MTUS2: variants seen among roughly 807,000 people sequenced by gnomAD.
MTUS2 encodes the protein microtubule associated scaffold protein 2.
Under a neutral mutation model 114.1 loss-of-function variants are expected in MTUS2, and 40 were observed. The ratio of observed to expected loss-of-function variants is 0.35; its 90% CI spans 0.27 to 0.46. The LOEUF (loss-of-function observed/expected upper bound fraction) is 0.46. Ranked by LOEUF, MTUS2 falls within the 20% of genes least tolerant of loss-of-function variation. MTUS2 has a pLI of 1.00. For synonymous variants in MTUS2, 688 were observed against 672.0 expected, an observed-to-expected ratio of 1.02 and a Z score of -0.37; for missense variants, 1,679 against 1,705.4, an observed-to-expected ratio of 0.98 and a Z score of 0.27.
At chr13:29,456,408 C>A (rs1009054176) in intron 9 of MTUS2, among the ~76,000 whole-genome samples, 1 of 151,946 alleles carries the variant, frequency 6.6e-6, no homozygotes, top group Non-Finnish European at 1.5e-5. Context: ...TTCAGAAGGA[C>A]AAGAGGGAGG....
chr13:29,426,794 A>G (rs1292326595), intron 8 of MTUS2, among the ~76,000 whole-genome samples: 1 of 152,196 alleles, frequency 6.6e-6, no homozygotes, highest in Non-Finnish European at 1.5e-5. Flanking sequence ...AGGCTGACTA[A>G]TGTTCCACTG....
intron 1 of MTUS2, among the ~76,000 whole-genome samples, chr13:28,832,042 G>A (rs1260568523): frequency 6.6e-6 from 1 of 152,078 alleles, no homozygotes; most frequent in African/African-American, 2.4e-5. Context: ...AGGATTACAG[G>A]TGTGAGCCAC....
At chr13:28,941,023 T>G (rs898853381) in intron 2 of MTUS2, among the ~76,000 whole-genome samples, 4 of 151,124 alleles carry the variant, frequency 2.6e-5, no homozygotes, top group Admixed American at 6.6e-5. Flanking sequence ...AAAGAGGGAA[T>G]GATAGCTATA....
chr13:28,963,699 C>T (rs1471385154), intron 2 of MTUS2, among the ~76,000 whole-genome samples: 2 of 149,316 alleles, frequency 1.3e-5, no homozygotes, highest in East Asian at 1.9e-4. Flanking sequence ...TGTCTGTGGA[C>T]GCTTTCTTAC....
At chr13:28,941,761 C>G (rs745850552) in intron 2 of MTUS2, among the ~76,000 whole-genome samples, 15 of 151,714 alleles carry the variant, frequency 9.9e-5, no homozygotes, top group Admixed American at 2.0e-4. Flanking sequence ...CTTAAGCTTA[C>G]CTGCAAAGTA....
intron 6 of MTUS2, among the ~76,000 whole-genome samples, chr13:29,322,608 G>A (rs1416253301): frequency 2.6e-5 from 4 of 152,304 alleles, no homozygotes; most frequent in African/African-American, 9.6e-5. Context: ...ATGCTGTGAG[G>A]AAGAATGAAG....
rs780801219 is a variant in MTUS2 at position 29,359,428 on chromosome 13, C to T, written c.3072C>T (p.Cys1024=). The T allele has an allele frequency of 2.5e-5, 40 of 1,613,044 alleles. No individual in the cohort carries two copies. The highest frequency in any genetic ancestry group is 1.7e-4 in the Middle Eastern group (1 of 5,786). Residue 1024 remains cysteine, a synonymous_variant, in exon 8 of 16, where the codon TGC becomes TGT. Transcript: ENST00000612955. ...VAQGELKRAI[C]GFDALAVATQ... is the part of the protein sequence containing the mutation. ...AAGGGGAGCTGAAGAGGGCCATCTG[C>T]GGCTTTGATGCCCTCGCCGTGGCCA...
intron 2 of MTUS2, among the ~76,000 whole-genome samples, chr13:28,907,049 A>G (rs1221283195): frequency 1.3e-5 from 2 of 151,644 alleles, no homozygotes; most frequent in Non-Finnish European, 2.9e-5. Context: ...CTAACAGCAG[A>G]TCTCTCGGCA....
At chr13:29,309,409 A>G (rs561105811) in intron 6 of MTUS2, among the ~76,000 whole-genome samples, 1 of 152,176 alleles carries the variant, frequency 6.6e-6, no homozygotes, top group East Asian at 1.9e-4. Context: ...GATGGGGTCA[A>G]CACACACTGG....
At chr13:28,966,188 C>A (rs1883573581) in intron 2 of MTUS2, among the ~76,000 whole-genome samples, 1 of 152,070 alleles carries the variant, frequency 6.6e-6, no homozygotes, top group African/African-American at 2.4e-5. Context: ...TAATACTTAG[C>A]AAATTAAAGA....
intron 5 of MTUS2, among the ~76,000 whole-genome samples, chr13:29,181,118 G>A (rs920191468): frequency 2.0e-5 from 3 of 152,100 alleles, no homozygotes; most frequent in Non-Finnish European, 2.9e-5. Flanking sequence ...GCGTCAGGGA[G>A]AGAGCTGGTA....
At chr13:29,101,099 T>G in intron 5 of MTUS2, 129 bp downstream of exon 5, 1 of 1,061,816 alleles carries the variant, frequency 9.4e-7, no homozygotes, top group Non-Finnish European at 1.3e-6. Flanking sequence ...CCCATTGTTG[T>G]GTTATTCATC....
At chr13:29,387,989 G>A (rs1872743173) in intron 8 of MTUS2, among the ~76,000 whole-genome samples, 1 of 152,128 alleles carries the variant, frequency 6.6e-6, no homozygotes. Flanking sequence ...CTCTGAACAT[G>A]TGTTTACCAG....
chr13:29,248,432 C>T (rs1897002843), intron 5 of MTUS2, among the ~76,000 whole-genome samples: 1 of 152,138 alleles, frequency 6.6e-6, no homozygotes, highest in Admixed American at 6.5e-5. Context: ...GTATACGATA[C>T]CCTGTAATTT....
rs537480488 is a variant in MTUS2, at chr13:29,067,257, A to G, written c.2446+33132A>G. On this transcript the variant is annotated intron_variant, in intron 4 of 15. Coordinates refer to ENST00000612955, the MANE Select transcript of MTUS2 (RefSeq NM_001033602.4). ...CAGATTCAGAGAGAGGGGGGAGGAT[A>G]GAGTAAGGAGATGATCAAGAAGGAA... 4.6e-5 allele frequency among the ~76,000 whole-genome samples: 7 copies of G among 152,270 alleles called. No individual in the cohort carries two copies. The East Asian group carries it at 9.7e-4, about 21-fold the overall frequency.
intron 7 of MTUS2, among the ~76,000 whole-genome samples, chr13:29,341,579 C>T (rs9506148): frequency 0.73 from 110,664 of 152,064 alleles, 44,295 homozygotes; most frequent in East Asian, 0.9. Flanking sequence ...AGATTTTCTC[C>T]CACTCTGAGG....
intron 1 of MTUS2, among the ~76,000 whole-genome samples, chr13:28,823,343 G>T (rs763969252): frequency 6.6e-6 from 1 of 152,208 alleles, no homozygotes; most frequent in Non-Finnish European, 1.5e-5. Flanking sequence ...GCAAGTGGGA[G>T]GCTTATAATA....
rs548143666 is a variant in MTUS2 at position 29,375,999 on chromosome 13, A to G, written c.3117+16526A>G. ...TACCCCACAAGCTATTTAAACATATATGTGTGTGTGTGTGTATGTATGTGT... is the reference window on the plus strand; with the variant it reads ...TACCCCACAAGCTATTTAAACATATGTGTGTGTGTGTGTGTATGTATGTGT... On this transcript the variant is annotated intron_variant, in intron 8 of 15. Transcript: ENST00000612955. Among the ~76,000 whole-genome samples, 273 of 146,870 alleles carry G rather than the reference A, an allele frequency of 1.9e-3. 1 individual carries two copies. The highest frequency in any genetic ancestry group is 6.6e-3 in the African/African-American group (251 of 37,944).
At chr13:29,042,616 A>AT (rs1336311728) in intron 4 of MTUS2, among the ~76,000 whole-genome samples, 6 of 151,804 alleles carry the variant, frequency 4.0e-5, no homozygotes, top group South Asian at 2.1e-4. Flanking sequence ...CTTGTTGGCA[A>AT]TTTTTTTTAT....
Sources: allele counts gnomAD v4.1 joint callset (sites outside exome capture counted in the v4.1 genomes callset), GRCh38; gene constraint gnomAD v4.1.1; transcripts MANE v1.5; gene names NCBI Gene and HGNC (gene_info 2026-07-23, HGNC 2026-07-21).